The following RNF13 variants were observed in gnomAD, a reference collection of about 807,000 sequenced individuals.
RNF13 encodes E3 ubiquitin-protein ligase RNF13.
A neutral mutation model predicts 37.7 loss-of-function variants in RNF13; 19 were observed. That is an observed-to-expected ratio of 0.50 (90% confidence interval 0.35 to 0.74). The LOEUF is 0.74. Ranked by LOEUF, RNF13 falls within the 30% of genes least tolerant of loss-of-function variation. The pLI, the probability that RNF13 is intolerant of heterozygous loss-of-function variation, is 0.01. For synonymous variants in RNF13, 144 were observed against 157.8 expected (o/e 0.91, Z 0.65); for missense variants, 375 against 453.0 (o/e 0.83, Z 1.56).
intron 7 of RNF13, among the ~76,000 whole-genome samples, chr3:149,918,690 ATTGT>A (rs1435645088): frequency 1.4e-5 from 2 of 141,122 alleles, no homozygotes; most frequent in East Asian, 4.0e-4. Flanking sequence ...TGCCCAGCTA[ATTGT>A]TTTTTTTTTT....
Position 149,902,162 on chromosome 3 carries a change from G to T in RNF13, c.500G>T (p.Gly167Val), listed in dbSNP as rs1286239214. ...AAAGATGAATTCACATATGAAAAAGGGTAAGTAATGGATATAAAAAATCAT... is the reference window on the plus strand; with the variant it reads ...AAAGATGAATTCACATATGAAAAAGTGTAAGTAATGGATATAAAAAATCAT... ...SLKDEFTYEK[G>V]GHLILVPEFS... The change falls in exon 6 of 10, where the codon GGG becomes GTG. Residue 167 changes from glycine to valine, a missense_variant and splice_region_variant. Coordinates refer to ENST00000392894, the MANE Select transcript of RNF13 (RefSeq NM_183381.3). 2 of 1,372,782 alleles carry T rather than the reference G, an allele frequency of 1.5e-6. No homozygotes were observed. The highest frequency in any genetic ancestry group is 1.5e-5 in the African/African-American group (1 of 66,720). The allele number at this position is 1,372,782 out of a possible 1,614,324, so 85.0% of individuals were successfully genotyped here.
chr3:149,932,545 T>C (rs1001281388), intron 8 of RNF13, among the ~76,000 whole-genome samples: 3 of 152,168 alleles, frequency 2.0e-5, no homozygotes, highest in Non-Finnish European at 4.4e-5. Flanking sequence ...AGGTAAACAT[T>C]CCCAATCCAA....
chr3:149,905,339 C>T (rs1030883947), intron 6 of RNF13, among the ~76,000 whole-genome samples: 1 of 152,106 alleles, frequency 6.6e-6, no homozygotes, highest in African/African-American at 2.4e-5. Context: ...ATTACAAGCA[C>T]ATTTAAGCAT....
intron 4 of RNF13, among the ~76,000 whole-genome samples, chr3:149,884,176 A>C (rs190386488): frequency 6.6e-6 from 1 of 152,148 alleles, no homozygotes; most frequent in African/African-American, 2.4e-5. Context: ...TAGATGTTGG[A>C]CATAGTGTTG....
At chr3:149,872,775 A>G (rs190959353) in intron 4 of RNF13, among the ~76,000 whole-genome samples, 1 of 152,352 alleles carries the variant, frequency 6.6e-6, no homozygotes, top group East Asian at 1.9e-4. Context: ...GACATGGGCT[A>G]TTATTTCATG....
intron 1 of RNF13, chr3:149,822,607 A>C (rs973149293): frequency 6.6e-6 from 1 of 152,172 alleles, no homozygotes; most frequent in African/African-American, 2.4e-5. Context: ...TGTGAAAACT[A>C]TGAAATATGT....
chr3:149,852,575 A>G lies in RNF13; in HGVS notation c.174A>G (p.Arg58=). ...FDDLPARFGY[R]LPAEGLKGFL... The stretch of plus-strand genomic sequence containing the variant: ...ACCTCCCTGCAAGATTTGGTTATAG[A>G]CTTCCAGCTGAAGGTTTAAAGGTAA... Residue 58 remains arginine (R), a synonymous_variant, in exon 3 of 10, where the codon AGA becomes AGG. Transcript: ENST00000392894. The G allele has an allele frequency of 1.3e-6, 2 of 1,559,056 alleles. No homozygotes were observed. The highest frequency in any genetic ancestry group is 2.3e-5 in the East Asian group (1 of 43,494).
intron 3 of RNF13, among the ~76,000 whole-genome samples, chr3:149,868,426 C>T (rs1711590241): frequency 6.6e-6 from 1 of 151,640 alleles, no homozygotes; most frequent in South Asian, 2.1e-4. Context: ...TTTTGTTTAT[C>T]TGGGAAAAAC....
chr3:149,829,803 A>G (rs1293752816), intron 1 of RNF13, among the ~76,000 whole-genome samples: 1 of 152,218 alleles, frequency 6.6e-6, no homozygotes, highest in African/African-American at 2.4e-5. Flanking sequence ...CACCCAAATC[A>G]CATTTCGAAT....
intron 8 of RNF13, chr3:149,939,269 T>A (rs1229795568): frequency 2.1e-6 from 1 of 476,882 alleles, no homozygotes; most frequent in Non-Finnish European, 4.0e-6. Context: ...TTTATCCAGT[T>A]TCCTCATCAT....
At chr3:149,831,004 A>G (rs1050475735) in intron 1 of RNF13, among the ~76,000 whole-genome samples, 2 of 152,224 alleles carry the variant, frequency 1.3e-5, no homozygotes, top group African/African-American at 4.8e-5. Flanking sequence ...GTTGAGCTGC[A>G]AGGTGCACAG....
chr3:149,924,011 G>T (rs970846663), intron 8 of RNF13, among the ~76,000 whole-genome samples: 7 of 152,120 alleles, frequency 4.6e-5, no homozygotes, highest in Admixed American at 2.6e-4. Context: ...AGTAATTCAG[G>T]TGTGATATAA....
chr3:149,821,071 CGATG>C (rs904264159), intron 1 of RNF13, among the ~76,000 whole-genome samples: 6 of 152,102 alleles, frequency 3.9e-5, no homozygotes, highest in African/African-American at 1.4e-4. Flanking sequence ...ATTTATCCAT[CGATG>C]GATATTTGGG....
At chr3:149,896,820 T>G (rs1715321919) in intron 5 of RNF13, among the ~76,000 whole-genome samples, 1 of 152,146 alleles carries the variant, frequency 6.6e-6, no homozygotes, top group Non-Finnish European at 1.5e-5. Context: ...GGCAAAATTA[T>G]AATATGTAAA....
At chr3:149,828,455 A>G (rs1274856519) in intron 1 of RNF13, among the ~76,000 whole-genome samples, 3 of 152,200 alleles carry the variant, frequency 2.0e-5, no homozygotes, top group Admixed American at 6.5e-5. Context: ...TGTGCATGAT[A>G]TTTGATATTT....
intron 1 of RNF13, among the ~76,000 whole-genome samples, chr3:149,836,720 T>C (rs185867631): frequency 1.3e-5 from 2 of 152,236 alleles, no homozygotes; most frequent in Admixed American, 1.3e-4. Flanking sequence ...GTTATTTTTT[T>C]CACAATAGCT....
At chr3:149,939,204 G>T in intron 8 of RNF13, 2 of 514,462 alleles carry the variant, frequency 3.9e-6, no homozygotes, top group South Asian at 2.9e-5. Context: ...ATTCTGATTT[G>T]ACTTCTGTGC....
At chr3:149,880,395 A>G (rs143832799) in intron 4 of RNF13, among the ~76,000 whole-genome samples, 97 of 152,326 alleles carry the variant, frequency 6.4e-4, no homozygotes, top group African/African-American at 2.3e-3. Context: ...ATAGGTAACT[A>G]GAGAATATTT....
intron 8 of RNF13, among the ~76,000 whole-genome samples, chr3:149,954,683 C>G (rs1303526986): frequency 6.6e-6 from 1 of 152,144 alleles, no homozygotes; most frequent in Non-Finnish European, 1.5e-5. Flanking sequence ...TATTCATCTT[C>G]ACTTTTGAAG....
Sources: gnomAD v4.1 joint callset for allele counts (sites outside exome capture counted in the v4.1 genomes callset) on GRCh38, gnomAD v4.1.1 for gene constraint, MANE v1.5 for transcripts, NCBI Gene and HGNC (gene_info 2026-07-23, HGNC 2026-07-21) for gene names.